The following CHN1 variants were observed in gnomAD, a reference collection of about 807,000 sequenced individuals.
The protein encoded by CHN1 is chimerin 1.
In CHN1, 37 loss-of-function variants were observed where a neutral mutation model predicts 59.5. That is an observed-to-expected ratio of 0.62 (90% confidence interval 0.48 to 0.82). The LOEUF is 0.82. Ranked by LOEUF, CHN1 falls within the 40% of genes least tolerant of loss-of-function variation. The probability of loss-of-function intolerance (pLI) is 0.00; values close to 1 mark genes in which losing one functional copy is unlikely to be tolerated. For synonymous variants in CHN1, 206 were observed against 200.4 expected (o/e 1.03, Z -0.24); for missense variants, 469 against 571.0 (o/e 0.82, Z 1.82).
chr2:174,821,899 G>C (rs1049580383), intron 8 of CHN1: 3 of 268,088 alleles, frequency 1.1e-5, no homozygotes, highest in African/African-American at 6.9e-5. Context: ...CATTCTTCGT[G>C]CCATGAAAGG....
In CHN1 at chr2:174,850,947, T is replaced by C. The variant is rs1366005225; in HGVS notation, c.550-3990A>G. 2.0e-5 allele frequency among the ~76,000 whole-genome samples: 3 copies of C among 152,090 alleles called. No homozygotes were observed. In the East Asian group the frequency reaches 5.8e-4, roughly 29 times the overall value. ...TCCTGGGAAGCATGTTGCATAATGGTCACTTTATAGATGAGGAAACTGGGG... is the reference window on the plus strand; with the variant it reads ...TCCTGGGAAGCATGTTGCATAATGGCCACTTTATAGATGAGGAAACTGGGG... On this transcript the variant is annotated intron_variant, in intron 6 of 12. Coordinates refer to ENST00000409900, the MANE Select transcript of CHN1 (RefSeq NM_001822.7).
chr2:174,917,720 C>A (rs992054980), intron 4 of CHN1, among the ~76,000 whole-genome samples: 5 of 152,144 alleles, frequency 3.3e-5, no homozygotes, highest in Admixed American at 2.6e-4. Context: ...AGGTGTGCAT[C>A]TGTAATCCAT....
intron 11 of CHN1, among the ~76,000 whole-genome samples, chr2:174,804,519 CAG>C (rs1365193596): frequency 6.6e-6 from 1 of 152,158 alleles, no homozygotes; most frequent in African/African-American, 2.4e-5. Context: ...AGAATAAAAG[CAG>C]AGAGACCATT....
intron 5 of CHN1, among the ~76,000 whole-genome samples, chr2:174,896,227 C>A (rs1340964719): frequency 3.3e-5 from 5 of 152,048 alleles, no homozygotes; most frequent in Non-Finnish European, 5.9e-5. Flanking sequence ...AATACTGCTA[C>A]ATAACGCATT....
rs558928261 is a variant in CHN1 at position 174,861,674 on chromosome 2, TA to T, written c.550-14718del. On this transcript the variant is annotated intron_variant, in intron 6 of 12. Coordinates refer to ENST00000409900, the MANE Select transcript of CHN1 (RefSeq NM_001822.7). ...GTCAAAATGTATGCAGAATATGAAC[TA>T]AAAACATGTTAGAGAGAAAATTTTG... is the stretch of plus-strand genomic sequence containing the variant. Among the ~76,000 whole-genome samples the T allele has an allele frequency of 7.2e-5, 11 of 152,312 alleles. No individual in the cohort carries two copies. In the East Asian group the frequency reaches 2.1e-3, roughly 29 times the overall value.
At chr2:174,950,268 CT>C (rs1188235091) in intron 2 of CHN1, among the ~76,000 whole-genome samples, 22 of 146,512 alleles carry the variant, frequency 1.5e-4, no homozygotes, top group Admixed American at 2.0e-4. Flanking sequence ...TTTTTAATGT[CT>C]TTTTTTTTTG....
chr2:174,927,659 CAATA>C (rs1011368939), intron 3 of CHN1, among the ~76,000 whole-genome samples: 3 of 152,044 alleles, frequency 2.0e-5, no homozygotes, highest in Admixed American at 6.5e-5. Context: ...AAAACCACAA[CAATA>C]AAATTCTGCA....
intron 6 of CHN1, among the ~76,000 whole-genome samples, chr2:174,858,416 G>A (rs2605285): frequency 0.059 from 8,911 of 152,164 alleles, 844 homozygotes; most frequent in African/African-American, 0.2. Flanking sequence ...ACAGTGGCCT[G>A]AAGACAAAAG....
chr2:175,002,217 T>C (rs1172712046), intron 1 of CHN1, among the ~76,000 whole-genome samples: 2 of 152,232 alleles, frequency 1.3e-5, no homozygotes, highest in Non-Finnish European at 2.9e-5. Context: ...GAGATGTGAG[T>C]TCATTTGAAA....
At chr2:175,000,445 T>C (rs1559017444) in intron 1 of CHN1, among the ~76,000 whole-genome samples, 1 of 151,858 alleles carries the variant, frequency 6.6e-6, no homozygotes, top group East Asian at 1.9e-4. Context: ...GCCTGATTTT[T>C]TTTGTTTGTT....
chr2:174,835,236 C>G (rs1048460608), intron 7 of CHN1, among the ~76,000 whole-genome samples: 2 of 152,176 alleles, frequency 1.3e-5, no homozygotes, highest in Admixed American at 1.3e-4. Flanking sequence ...CATTGTAAGC[C>G]AGGGGCCTTC....
At chr2:174,862,059 T>C (rs1375986237) in intron 6 of CHN1, among the ~76,000 whole-genome samples, 1 of 152,180 alleles carries the variant, frequency 6.6e-6, no homozygotes, top group African/African-American at 2.4e-5. Flanking sequence ...TAACTTGCTA[T>C]AAAATTACAA....
intron 7 of CHN1, among the ~76,000 whole-genome samples, chr2:174,834,573 G>C (rs1686005556): frequency 6.6e-6 from 1 of 152,110 alleles, no homozygotes. Context: ...TCAGTCCTTT[G>C]AAGATGTCAC....
At position 174,812,396 on chromosome 2, in the gene CHN1, T is replaced by C; in HGVS notation, c.799A>G (p.Ser267Gly). The C allele has an allele frequency of 6.2e-7, 1 of 1,614,048 alleles. No individual in the cohort carries two copies. The part of the protein sequence containing the change: ...PDLKHVKKVY[S>G]CDLTTLVKAH... ...TTCACGAGCGTCGTAAGGTCACAGCTGTACACCTTTTTGACATGCTTCAAG... is the reference window on the plus strand; with the variant it reads ...TTCACGAGCGTCGTAAGGTCACAGCCGTACACCTTTTTGACATGCTTCAAG... The change falls in exon 9 of 13, where the codon AGC becomes GGC. Residue 267 changes from serine (S) to glycine (G), a missense_variant. Physicochemically the swap from Ser to Gly is moderately conservative, Grantham distance 56 (BLOSUM62 0). Around this residue, in one of 5 missense-constraint regions of CHN1, gnomAD observed 225 missense variants for 289.9 expected, o/e 0.78. Coordinates refer to ENST00000409900, the MANE Select transcript of CHN1 (RefSeq NM_001822.7).
intron 1 of CHN1, 32 bp downstream of exon 1, chr2:175,004,862 C>A (rs766812271): frequency 7.6e-5 from 105 of 1,374,368 alleles, no homozygotes; most frequent in Non-Finnish European, 9.2e-5. Flanking sequence ...CGCGGCCCAC[C>A]TGCGGCGGCG....
At chr2:174,937,323 G>C (rs572763053) in intron 3 of CHN1, among the ~76,000 whole-genome samples, 1 of 152,282 alleles carries the variant, frequency 6.6e-6, no homozygotes, top group South Asian at 2.1e-4. Context: ...TACTGAATTT[G>C]TAAGCTGTGA....
At chr2:174,880,571 A>G (rs1687701503) in intron 5 of CHN1, among the ~76,000 whole-genome samples, 1 of 152,232 alleles carries the variant, frequency 6.6e-6, no homozygotes, top group Non-Finnish European at 1.5e-5. Flanking sequence ...AGGTCAAAGA[A>G]AGACTCTTTC....
intron 7 of CHN1, among the ~76,000 whole-genome samples, chr2:174,833,030 T>G (rs760183379): frequency 2.0e-5 from 3 of 152,164 alleles, no homozygotes; most frequent in Non-Finnish European, 4.4e-5. Flanking sequence ...CATGGTTATA[T>G]TTGTCTTATG....
At position 174,877,823 on chromosome 2, in the gene CHN1, G is replaced by A. The variant is rs1016277311; in HGVS notation, c.549+17C>T. On this transcript the variant is annotated intron_variant, in intron 6 of 12. Transcript: ENST00000409900. ...CCCAAACAGAAAAAGATAAAGTGTGGTTTCATAGTAGCTTACCCTTTTCTC... is the reference window on the plus strand; with the variant it reads ...CCCAAACAGAAAAAGATAAAGTGTGATTTCATAGTAGCTTACCCTTTTCTC... The A allele has an allele frequency of 1.3e-6, 2 of 1,598,564 alleles. No homozygotes were observed. The highest frequency in any genetic ancestry group is 1.3e-5 in the African/African-American group (1 of 74,328).
Sources: allele counts gnomAD v4.1 joint callset (sites outside exome capture counted in the v4.1 genomes callset), GRCh38; gene constraint gnomAD v4.1.1; regional missense constraint gnomAD v4.1.1; transcripts MANE v1.5; gene names NCBI Gene and HGNC (gene_info 2026-07-23, HGNC 2026-07-21).